Variants in AKR1C8 observed in about 807,000 individuals in gnomAD.
The protein encoded by AKR1C8 is aldo-keto reductase family 1 member C8.
the AKR1C8 span, among the ~76,000 whole-genome samples, chr10:5,131,381 G>C: frequency 1.3e-5 from 2 of 152,032 alleles, no homozygotes; most frequent in Non-Finnish European, 2.9e-5. Flanking sequence ...ATAATCATGA[G>C]AGTAAAGAGA....
chr10:5,130,108 G>T, the AKR1C8 span, among the ~76,000 whole-genome samples: 151 of 151,844 alleles, frequency 9.9e-4, no homozygotes, highest in Admixed American at 1.6e-3. Context: ...TGCAGGGATG[G>T]TATAACATAG....
chr10:5,169,119 C>A, the AKR1C8 span, among the ~76,000 whole-genome samples: 1 of 152,164 alleles, frequency 6.6e-6, no homozygotes, highest in African/African-American at 2.4e-5. Context: ...CGCACCTCCC[C>A]CTGTGCCTGA....
the AKR1C8 span, among the ~76,000 whole-genome samples, chr10:5,144,229 CTA>C: frequency 2.6e-5 from 4 of 152,030 alleles, no homozygotes; most frequent in South Asian, 2.1e-4. Context: ...TTCCATTGAT[CTA>C]TATCTCTGTT....
the AKR1C8 span, among the ~76,000 whole-genome samples, chr10:5,133,592 C>T: frequency 6.6e-6 from 1 of 152,080 alleles, no homozygotes; most frequent in African/African-American, 2.4e-5. Flanking sequence ...ACTTCATTCC[C>T]AAGATTTACC....
the AKR1C8 span, among the ~76,000 whole-genome samples, chr10:5,177,089 A>G: frequency 6.6e-6 from 1 of 152,164 alleles, no homozygotes; most frequent in African/African-American, 2.4e-5. Context: ...GTTTTTGCCC[A>G]TTCAGTATGA....
the AKR1C8 span, chr10:5,160,755 C>G: frequency 1.3e-5 from 6 of 460,140 alleles, no homozygotes; most frequent in Admixed American, 2.5e-5. Flanking sequence ...CTGACCCCTC[C>G]TCCTGCAATT....
chr10:5,130,857 A>G, the AKR1C8 span, among the ~76,000 whole-genome samples: 1 of 152,010 alleles, frequency 6.6e-6, no homozygotes, highest in African/African-American at 2.4e-5. Context: ...CTAAATTCAT[A>G]TGGAACCACA....
the AKR1C8 span, among the ~76,000 whole-genome samples, chr10:5,176,886 G>A: frequency 4.3e-3 from 658 of 152,218 alleles, 15 homozygotes; most frequent in East Asian, 0.068. Context: ...GGGCTGAGAC[G>A]ATGGGGTTTT....
chr10:5,137,058 C>A, the AKR1C8 span, among the ~76,000 whole-genome samples: 18 of 152,242 alleles, frequency 1.2e-4, no homozygotes, highest in Non-Finnish European at 2.5e-4. Flanking sequence ...GCAATAGTAT[C>A]TGTCTAAGGA....
chr10:5,138,577 G>A, the AKR1C8 span, among the ~76,000 whole-genome samples: 6 of 152,108 alleles, frequency 3.9e-5, no homozygotes, highest in East Asian at 5.8e-4. Context: ...GTCTTGAGGC[G>A]ATGTACATCC....
the AKR1C8 span, chr10:5,163,168 G>A: frequency 8.7e-6 from 3 of 343,392 alleles, no homozygotes; most frequent in Admixed American, 3.6e-5. Flanking sequence ...TGTACTCTGA[G>A]GACATTGATT....
the AKR1C8 span, among the ~76,000 whole-genome samples, chr10:5,173,485 C>G: frequency 6.0e-3 from 914 of 151,982 alleles, 5 homozygotes; most frequent in African/African-American, 0.021. Flanking sequence ...AAGTGAGAAG[C>G]AGATGCAAAG....
the AKR1C8 span, among the ~76,000 whole-genome samples, chr10:5,143,233 GCT>G: frequency 1.3e-5 from 2 of 152,044 alleles, no homozygotes; most frequent in African/African-American, 2.4e-5. Flanking sequence ...AAGTCAGCTT[GCT>G]CTCTCTCTCC....
At chr10:5,162,784 G>C in the AKR1C8 span, 6 of 419,004 alleles carry the variant, frequency 1.4e-5, no homozygotes, top group Admixed American at 1.2e-4. Context: ...CTTAGACCAT[G>C]TTTTCATTTC....
At chr10:5,168,809 G>T in the AKR1C8 span, among the ~76,000 whole-genome samples, 2 of 152,082 alleles carry the variant, frequency 1.3e-5, no homozygotes, top group African/African-American at 4.8e-5. Context: ...ACCCTAACTA[G>T]AGTTCTAGTG....
the AKR1C8 span, among the ~76,000 whole-genome samples, chr10:5,127,816 T>C: frequency 6.6e-6 from 1 of 151,804 alleles, no homozygotes; most frequent in Non-Finnish European, 1.5e-5. Context: ...ATAACTGGTG[T>C]TCCTGAGGGA....
At chr10:5,127,521 T>C in the AKR1C8 span, among the ~76,000 whole-genome samples, 1 of 151,762 alleles carries the variant, frequency 6.6e-6, no homozygotes, top group African/African-American at 2.4e-5. Flanking sequence ...GAGTTCAAGA[T>C]CAGCCTGGCC....
the AKR1C8 span, chr10:5,157,652 T>G: frequency 1.1e-5 from 5 of 472,378 alleles, no homozygotes; most frequent in East Asian, 7.0e-5. Flanking sequence ...TTCTCTTTGA[T>G]TCTCTCCTGA....
At chr10:5,171,031 T>C in the AKR1C8 span, among the ~76,000 whole-genome samples, 1 of 152,150 alleles carries the variant, frequency 6.6e-6, no homozygotes, top group East Asian at 1.9e-4. Context: ...TACAATACTT[T>C]AAGCAAAATG....
Sources: allele counts gnomAD v4.1 joint callset (sites outside exome capture counted in the v4.1 genomes callset), GRCh38; gene constraint gnomAD v4.1.1; transcripts MANE v1.5; gene names NCBI Gene and HGNC (gene_info 2026-07-23, HGNC 2026-07-21).